The following PITPNC1 variants were observed in gnomAD, a reference collection of about 807,000 sequenced individuals.
PITPNC1 encodes the protein phosphatidylinositol transfer protein cytoplasmic 1.
A neutral mutation model predicts 44.7 loss-of-function variants in PITPNC1; 18 were observed. The ratio of observed to expected loss-of-function variants is 0.40; its 90% CI spans 0.28 to 0.60. PITPNC1 has a LOEUF of 0.60. PITPNC1 is among the 20% of genes least tolerant of loss of function. The pLI is 0.39. For missense variants in PITPNC1, 290 were observed against 418.4 expected, an observed-to-expected ratio of 0.69 and a Z score of 2.68; for synonymous variants, 141 against 149.6, an observed-to-expected ratio of 0.94 and a Z score of 0.42.
chr17:67,641,515 G>T (rs1021875174), intron 6 of PITPNC1, among the ~76,000 whole-genome samples: 1 of 152,094 alleles, frequency 6.6e-6, no homozygotes, highest in Non-Finnish European at 1.5e-5. Context: ...TGCCAGTGAA[G>T]GCCAGGTTCA....
At chr17:67,606,615 G>A (rs986744318) in intron 5 of PITPNC1, among the ~76,000 whole-genome samples, 6 of 152,120 alleles carry the variant, frequency 3.9e-5, no homozygotes, top group South Asian at 2.1e-4. Flanking sequence ...ATTTAAAGCC[G>A]AACTTTATAA....
chr17:67,443,043 G>T (rs2039037656), intron 1 of PITPNC1, among the ~76,000 whole-genome samples: 1 of 151,958 alleles, frequency 6.6e-6, no homozygotes, highest in Middle Eastern at 3.2e-3. Context: ...GACGACCAGT[G>T]ATCATGTCAC....
rs1465254768 is a variant in PITPNC1, at chr17:67,505,973, T to C, written c.49-26829T>C. 2.0e-5 allele frequency among the ~76,000 whole-genome samples: 3 copies of C among 152,322 alleles called. No homozygotes were observed. The East Asian group carries it at 5.8e-4, about 29-fold the overall frequency. ...CACTGGAGCCTGCTATCAAGCCTTG[T>C]GAGACGTGCCTTTTGTCCAGTTGTT... On this transcript the variant is annotated intron_variant, in intron 1 of 8. Coordinates refer to ENST00000581322, the MANE Select transcript of PITPNC1 (RefSeq NM_012417.4).
intron 1 of PITPNC1, among the ~76,000 whole-genome samples, chr17:67,417,061 G>A (rs1362532423): frequency 3.9e-5 from 6 of 151,950 alleles, no homozygotes; most frequent in South Asian, 4.1e-4. Flanking sequence ...TGATCCGACC[G>A]CCTCAGCCTC....
chr17:67,621,294 G>T (rs2041827110), intron 5 of PITPNC1, among the ~76,000 whole-genome samples: 1 of 151,578 alleles, frequency 6.6e-6, no homozygotes, highest in Non-Finnish European at 1.5e-5. Flanking sequence ...TGTAACCTCT[G>T]CCTCCCAGGT....
intron 1 of PITPNC1, among the ~76,000 whole-genome samples, chr17:67,487,552 T>C (rs1160810630): frequency 1.3e-5 from 2 of 152,242 alleles, no homozygotes; most frequent in Non-Finnish European, 2.9e-5. Flanking sequence ...AGTGTTTCTC[T>C]GTATCCATCT....
intron 1 of PITPNC1, among the ~76,000 whole-genome samples, chr17:67,383,866 C>T (rs1322669190): frequency 2.6e-5 from 4 of 152,054 alleles, no homozygotes; most frequent in African/African-American, 9.7e-5. Flanking sequence ...TGAGAAACCC[C>T]GTCTCTACTA....
intron 1 of PITPNC1, among the ~76,000 whole-genome samples, chr17:67,466,050 G>C (rs1465548926): frequency 4.6e-5 from 7 of 151,822 alleles, no homozygotes; most frequent in Admixed American, 1.3e-4. Flanking sequence ...ACCCAGGCTA[G>C]AGTGCAGTGG....
At chr17:67,478,933 C>T (rs1464083447) in intron 1 of PITPNC1, among the ~76,000 whole-genome samples, 1 of 151,606 alleles carries the variant, frequency 6.6e-6, no homozygotes, top group East Asian at 1.9e-4. Flanking sequence ...TCCAGCCTCT[C>T]TGTTCTCCTC....
intron 5 of PITPNC1, among the ~76,000 whole-genome samples, chr17:67,583,674 G>C (rs2041266244): frequency 6.7e-6 from 1 of 150,236 alleles, no homozygotes. Flanking sequence ...TCATTGGTCT[G>C]AGGTGGGGTT....
In PITPNC1 at chr17:67,585,788, G is replaced by C. The variant is rs183366279; in HGVS notation, c.366+7531G>C. ...CCACTGCACTCCAGCCTGGGTGATA[G>C]AGAGAGACGCTGTCTCAAAAACAAA... is the stretch of plus-strand genomic sequence containing the variant. On this transcript the variant is annotated intron_variant, in intron 5 of 8. Transcript: ENST00000581322. Among the ~76,000 whole-genome samples, 25 of 152,254 alleles carry C rather than the reference G, an allele frequency of 1.6e-4. No homozygotes were observed. In the East Asian group the frequency reaches 3.7e-3, roughly 22 times the overall value.
intron 6 of PITPNC1, among the ~76,000 whole-genome samples, chr17:67,634,059 AAGAACCTCCACT>A (rs2042001739): frequency 6.6e-6 from 1 of 152,326 alleles, no homozygotes; most frequent in Middle Eastern, 3.4e-3. Flanking sequence ...TGTGCCCCCA[AAGAACCTCCACT>A]AGAAAGCTTC....
chr17:67,466,450 T>A (rs1340367630), intron 1 of PITPNC1, among the ~76,000 whole-genome samples: 1 of 152,108 alleles, frequency 6.6e-6, no homozygotes, highest in Non-Finnish European at 1.5e-5. Flanking sequence ...GACCCATTAG[T>A]AGCTGAAACT....
intron 4 of PITPNC1, among the ~76,000 whole-genome samples, chr17:67,572,191 C>G (rs1166682025): frequency 6.6e-6 from 1 of 152,054 alleles, no homozygotes; most frequent in African/African-American, 2.4e-5. Flanking sequence ...CATCAGGGTT[C>G]CCAACGTTTT....
At chr17:67,653,963 C>G (rs2042236360) in intron 6 of PITPNC1, among the ~76,000 whole-genome samples, 1 of 152,200 alleles carries the variant, frequency 6.6e-6, no homozygotes, top group African/African-American at 2.4e-5. Flanking sequence ...TGGGAGGTGG[C>G]TGCCCAGTAC....
chr17:67,436,463 A>G (rs1345143390), intron 1 of PITPNC1, among the ~76,000 whole-genome samples: 1 of 152,082 alleles, frequency 6.6e-6, no homozygotes, highest in Non-Finnish European at 1.5e-5. Flanking sequence ...GAGAGGAATA[A>G]AGGTGAGGGT....
intron 1 of PITPNC1, among the ~76,000 whole-genome samples, chr17:67,436,463 A>C (rs1345143390): frequency 6.6e-6 from 1 of 152,080 alleles, no homozygotes; most frequent in Non-Finnish European, 1.5e-5. Flanking sequence ...GAGAGGAATA[A>C]AGGTGAGGGT....
At chr17:67,475,208 G>A (rs975214291) in intron 1 of PITPNC1, among the ~76,000 whole-genome samples, 1 of 152,154 alleles carries the variant, frequency 6.6e-6, no homozygotes, top group Admixed American at 6.5e-5. Context: ...CCTTCCTCGC[G>A]GTGGAGGGTG....
chr17:67,643,326 C>T (rs1453503117), intron 6 of PITPNC1, among the ~76,000 whole-genome samples: 2 of 152,154 alleles, frequency 1.3e-5, no homozygotes, highest in African/African-American at 4.8e-5. Flanking sequence ...GCGGAGGTGG[C>T]AGTGAGCTGA....
Sources: allele counts gnomAD v4.1 joint callset (sites outside exome capture counted in the v4.1 genomes callset), GRCh38; gene constraint gnomAD v4.1.1; transcripts MANE v1.5; gene names NCBI Gene and HGNC (gene_info 2026-07-23, HGNC 2026-07-21).